EPSTI1: variants seen among roughly 807,000 people sequenced by gnomAD.
EPSTI1 encodes the protein epithelial stromal interaction 1.
In EPSTI1, 66 loss-of-function variants were observed where a neutral mutation model predicts 49.9. The ratio of observed to expected loss-of-function variants is 1.32; its 90% confidence interval spans 1.08 to 1.62. The LOEUF (loss-of-function observed/expected upper bound fraction) is 1.62, where lower values mean the gene tolerates loss of function less well. Among genes scored for constraint, EPSTI1 ranks in the 40% most tolerant of loss-of-function variants. EPSTI1 has a pLI of 0.00. For missense variants in EPSTI1, 394 were observed against 365.5 expected (o/e 1.08, Z -0.64); for synonymous variants, 137 against 130.7 (o/e 1.05, Z -0.33).
chr13:42,975,683 T>C (rs1045529008), intron 1 of EPSTI1, among the ~76,000 whole-genome samples: 1 of 152,222 alleles, frequency 6.6e-6, no homozygotes, highest in Non-Finnish European at 1.5e-5. Flanking sequence ...TGGTTTGGTA[T>C]GTATCTCAGC....
chr13:42,898,956 G>C (rs71428892), intron 9 of EPSTI1, among the ~76,000 whole-genome samples: 17,046 of 152,130 alleles, frequency 0.11, 1,301 homozygotes, highest in Middle Eastern at 0.17. Flanking sequence ...CCAGTACTTT[G>C]GGAGGCTGAG....
At chr13:42,931,869 T>C (rs1006397100) in intron 6 of EPSTI1, among the ~76,000 whole-genome samples, 2 of 152,150 alleles carry the variant, frequency 1.3e-5, no homozygotes, top group African/African-American at 2.4e-5. Flanking sequence ...TCCTGGTATA[T>C]ACATCTTGTG....
At chr13:42,926,556 G>C (rs765430943) in intron 6 of EPSTI1, 127 bp from the exon 7 acceptor site, 93 of 706,584 alleles carry the variant, frequency 1.3e-4, no homozygotes, top group Non-Finnish European at 2.3e-4. Flanking sequence ...AGAACAGAAA[G>C]TTACGTTGAG....
Position 42,917,573 on chromosome 13 carries a change from A to T in EPSTI1, c.709T>A (p.Leu237Met). 7.0e-7 allele frequency: 1 copy of T among 1,433,376 alleles called. No homozygotes were observed. Among genetic ancestry groups the T allele is most frequent in the Non-Finnish European group, 9.4e-7 (1 of 1,067,788 alleles). The allele number at this position is 1,433,376 out of a possible 1,614,324, so 88.8% of individuals were successfully genotyped here. The change falls in exon 8 of 11, where the codon TTG becomes ATG. Residue 237 changes from leucine to methionine, a missense_variant. By Grantham distance (15) the Leu-to-Met change is conservative. Coordinates refer to ENST00000313624, the MANE Select transcript of EPSTI1 (RefSeq NM_033255.5). ...DSLKAEENRK[L>M]QKMKDEQHQK... ...TGTTGTTCATCCTTCATCTTTTGCA[A>T]TTTTCTGTTTTCTTCTGCCTTTAGA...
chr13:42,979,800 AAC>A (rs1412003308), intron 1 of EPSTI1, among the ~76,000 whole-genome samples: 1 of 152,196 alleles, frequency 6.6e-6, no homozygotes, highest in African/African-American at 2.4e-5. Flanking sequence ...TAAAAATAAA[AAC>A]AGTCTCCTAC....
chr13:42,889,599 A>G (rs1771017828), intron 10 of EPSTI1, among the ~76,000 whole-genome samples: 1 of 152,194 alleles, frequency 6.6e-6, no homozygotes, highest in Non-Finnish European at 1.5e-5. Context: ...CAGTCTTTAA[A>G]TGGTGACATA....
chr13:42,935,535 A>G (rs1221948865), intron 6 of EPSTI1, among the ~76,000 whole-genome samples: 1 of 151,988 alleles, frequency 6.6e-6, no homozygotes, highest in Non-Finnish European at 1.5e-5. Flanking sequence ...AAGTCCATTA[A>G]CTCTAGCTTC....
chr13:42,927,261 T>A (rs2038213839), intron 6 of EPSTI1, among the ~76,000 whole-genome samples: 1 of 152,218 alleles, frequency 6.6e-6, no homozygotes, highest in Non-Finnish European at 1.5e-5. Context: ...ACACTGGAAT[T>A]GTTTCCTAGT....
chr13:42,974,900 A>T (rs903294238), intron 1 of EPSTI1, among the ~76,000 whole-genome samples: 1 of 152,218 alleles, frequency 6.6e-6, no homozygotes. Context: ...GGTTTGACAG[A>T]AAAAGAAATG....
chr13:42,983,380 A>G (rs988503596), intron 1 of EPSTI1, among the ~76,000 whole-genome samples: 1 of 152,114 alleles, frequency 6.6e-6, no homozygotes, highest in African/African-American at 2.4e-5. Context: ...CCTGGCCAAC[A>G]TGGTGAAACC....
chr13:42,921,680 C>T (rs1211270417), intron 7 of EPSTI1, among the ~76,000 whole-genome samples: 2 of 152,104 alleles, frequency 1.3e-5, no homozygotes, highest in African/African-American at 4.8e-5. Flanking sequence ...GGTCACAATA[C>T]AGCAGGCTCT....
chr13:42,964,206 T>A, intron 3 of EPSTI1, 67 bp from the exon 4 acceptor site: 1 of 1,181,578 alleles, frequency 8.5e-7, no homozygotes, highest in Non-Finnish European at 1.2e-6. Flanking sequence ...CATCGAGGAC[T>A]AATTAATATA....
intron 1 of EPSTI1, among the ~76,000 whole-genome samples, chr13:42,988,687 C>T (rs932375724): frequency 3.3e-5 from 5 of 150,528 alleles, no homozygotes; most frequent in Non-Finnish European, 7.4e-5. Context: ...GCTGAGATTG[C>T]GCTGTTGCAC....
chr13:42,910,966 T>C (rs745779267), intron 8 of EPSTI1, among the ~76,000 whole-genome samples: 1 of 152,228 alleles, frequency 6.6e-6, no homozygotes, highest in Non-Finnish European at 1.5e-5. Context: ...CTGAAGTGTT[T>C]TTTAATTGAT....
chr13:42,900,781 ATAAATTCAGAGCAACT>A (rs984694983), intron 8 of EPSTI1, among the ~76,000 whole-genome samples: 14 of 152,148 alleles, frequency 9.2e-5, no homozygotes, highest in Non-Finnish European at 1.3e-4. Flanking sequence ...TTCTTTCCTG[ATAAATTCAGAGCAACT>A]TACAAATAAA....
At chr13:42,983,348 G>A (rs552342411) in intron 1 of EPSTI1, among the ~76,000 whole-genome samples, 8 of 152,144 alleles carry the variant, frequency 5.3e-5, no homozygotes, top group Admixed American at 3.3e-4. Context: ...GGTGGATCAC[G>A]AGGTCAGCAG....
chr13:42,898,662 G>A (rs564408429), intron 9 of EPSTI1, among the ~76,000 whole-genome samples: 1 of 151,936 alleles, frequency 6.6e-6, no homozygotes, highest in East Asian at 1.9e-4. Flanking sequence ...TGAAAGCCAA[G>A]ATTCCTATAA....
intron 8 of EPSTI1, among the ~76,000 whole-genome samples, chr13:42,906,192 T>C (rs2037494454): frequency 6.6e-6 from 1 of 152,210 alleles, no homozygotes; most frequent in African/African-American, 2.4e-5. Context: ...GGGTTGCCAT[T>C]TCCAGCAAGA....
intron 1 of EPSTI1, among the ~76,000 whole-genome samples, chr13:42,984,400 T>C (rs767101415): frequency 2.6e-5 from 4 of 152,218 alleles, no homozygotes; most frequent in Non-Finnish European, 5.9e-5. Flanking sequence ...AGTTCTAATA[T>C]GCTCTAATAA....
Sources: gnomAD v4.1 joint callset for allele counts (sites outside exome capture counted in the v4.1 genomes callset) on GRCh38, gnomAD v4.1.1 for gene constraint, MANE v1.5 for transcripts, NCBI Gene and HGNC (gene_info 2026-07-23, HGNC 2026-07-21) for gene names.